Variants in STARD13 observed in about 807,000 individuals in gnomAD.
STARD13 encodes the protein StAR related lipid transfer domain containing 13.
Under a neutral mutation model 106.4 loss-of-function variants are expected in STARD13, and 62 were observed. That is an observed-to-expected ratio of 0.58 (90% CI 0.48 to 0.72). The LOEUF (loss-of-function observed/expected upper bound fraction) is 0.72, where lower values mean the gene tolerates loss of function less well. Among genes scored for constraint, STARD13 ranks in the 30% least tolerant of loss-of-function variants. The pLI is 0.00. For missense variants in STARD13, 1,387 were observed against 1,424.0 expected, an observed-to-expected ratio of 0.97 and a Z score of 0.42; for synonymous variants, 565 against 553.0, an observed-to-expected ratio of 1.02 and a Z score of -0.31.
chr13:33,343,587 A>AC lies in STARD13; in HGVS notation c.124+6702_124+6703insG, dbSNP rs1338884044. Reference sequence around the variant, plus strand: ...ATTGAGACCCTGTCTTAAAAAAAAAAAAAAAAAAAACAAATCTACAAATCT... The same window carrying AC: ...ATTGAGACCCTGTCTTAAAAAAAAAACAAAAAAAAAACAAATCTACAAATCT... On this transcript the variant is annotated intron_variant, in intron 1 of 5. Coordinates refer to the STARD13 transcript ENST00000567873. Among the ~76,000 whole-genome samples, 15 of 95,588 alleles carry AC rather than the reference A, an allele frequency of 1.6e-4. No homozygotes were observed. In the East Asian group the frequency reaches 2.4e-3, roughly 15 times the overall value. The allele number at this position is 95,588 out of a possible 152,430, so 62.7% of individuals were successfully genotyped here.
At chr13:33,565,597 A>C in the STARD13 span, among the ~76,000 whole-genome samples, 1 of 148,196 alleles carries the variant, frequency 6.7e-6, no homozygotes, top group Admixed American at 6.9e-5. Flanking sequence ...ACCTTTCCAT[A>C]CCATTTTGAT....
the STARD13 span, among the ~76,000 whole-genome samples, chr13:33,425,899 A>T: frequency 1.3e-5 from 2 of 152,230 alleles, no homozygotes; most frequent in African/African-American, 4.8e-5. Context: ...CATCCGAAGT[A>T]ACCTGCATTT....
At chr13:33,112,561 A>G (rs1874740022) in intron 9 of STARD13, among the ~76,000 whole-genome samples, 160 bp downstream of exon 9, 1 of 152,068 alleles carries the variant, frequency 6.6e-6, no homozygotes, top group Admixed American at 6.5e-5. Context: ...TCAATCTATC[A>G]TCTACCTATC....
In STARD13 at chr13:33,290,916, A is replaced by G. The variant is rs527908645; in HGVS notation, c.124+59374T>C. On this transcript the variant is annotated intron_variant, in intron 1 of 5. Transcript: ENST00000567873. ...ACCTATTGCCTCCAGAAACACTTTCATGACTAATACAAAGCTCTTTGGTCT... is the reference window on the plus strand; with the variant it reads ...ACCTATTGCCTCCAGAAACACTTTCGTGACTAATACAAAGCTCTTTGGTCT... Among the ~76,000 whole-genome samples the G allele has an allele frequency of 1.2e-3, 180 of 152,374 alleles. 2 individuals carry two copies. The highest frequency in any genetic ancestry group is 4.2e-3 in the African/African-American group (175 of 41,596).
chr13:33,334,130 A>G (rs1001987692), intron 1 of STARD13: 3 of 152,244 alleles, frequency 2.0e-5, no homozygotes, highest in Non-Finnish European at 4.4e-5. Context: ...AAGTCATATA[A>G]TCTATCAACA....
chr13:33,148,016 T>C (rs1469171637), intron 3 of STARD13, among the ~76,000 whole-genome samples: 1 of 152,044 alleles, frequency 6.6e-6, no homozygotes, highest in Non-Finnish European at 1.5e-5. Context: ...GATATTCAAA[T>C]GCAAAAAAAA....
intron 5 of STARD13, 50 bp from the exon 6 acceptor site, chr13:33,127,596 G>A (rs1414605271): frequency 1.3e-6 from 2 of 1,493,862 alleles, no homozygotes; most frequent in East Asian, 2.6e-5. Flanking sequence ...GGACTTGGTA[G>A]CGGGAAACAC....
At chr13:33,489,773 C>T in the STARD13 span, among the ~76,000 whole-genome samples, 1 of 152,206 alleles carries the variant, frequency 6.6e-6, no homozygotes, top group Non-Finnish European at 1.5e-5. Context: ...GGGCTAATCA[C>T]TTCAAGTTTT....
At chr13:33,358,953 A>T in the STARD13 span, among the ~76,000 whole-genome samples, 1 of 151,930 alleles carries the variant, frequency 6.6e-6, no homozygotes, top group South Asian at 2.1e-4. Flanking sequence ...TATCTAACTA[A>T]TCTGATGGGG....
the STARD13 span, among the ~76,000 whole-genome samples, chr13:33,368,646 A>G: frequency 2.0e-5 from 3 of 152,290 alleles, no homozygotes; most frequent in African/African-American, 7.2e-5. Flanking sequence ...AGATAGCAAC[A>G]TAGGAACAAA....
At chr13:33,284,881 G>A (rs1367838970) in intron 1 of STARD13, among the ~76,000 whole-genome samples, 4 of 152,052 alleles carry the variant, frequency 2.6e-5, no homozygotes, top group African/African-American at 4.8e-5. Context: ...TGCAGGTTAC[G>A]GGATTTGTTT....
chr13:33,660,245 G>A, the STARD13 span, among the ~76,000 whole-genome samples: 1 of 152,186 alleles, frequency 6.6e-6, no homozygotes, highest in Non-Finnish European at 1.5e-5. Context: ...GACAGTAAGT[G>A]AGATTCTGTT....
chr13:33,367,430 C>G, the STARD13 span, among the ~76,000 whole-genome samples: 2 of 152,006 alleles, frequency 1.3e-5, no homozygotes, highest in African/African-American at 4.8e-5. Context: ...GTGATATCTG[C>G]GATTCAGTTA....
intron 1 of STARD13, among the ~76,000 whole-genome samples, chr13:33,282,727 T>C (rs1594214929): frequency 1.3e-5 from 2 of 152,340 alleles, no homozygotes; most frequent in African/African-American, 4.8e-5. Flanking sequence ...ATTAATGGAA[T>C]GATTAAAAGC....
upstream of STARD13, chr13:33,355,463 C>T (rs1434726623): frequency 6.6e-6 from 1 of 152,298 alleles, no homozygotes; most frequent in Non-Finnish European, 1.5e-5. Flanking sequence ...GCCAAGAACC[C>T]ATAGTCATGG....
At chr13:33,553,021 G>A in the STARD13 span, among the ~76,000 whole-genome samples, 35,331 of 152,062 alleles carry the variant, frequency 0.23, 4,651 homozygotes, top group East Asian at 0.42. Flanking sequence ...GGATATAGGA[G>A]TAGAAGATTA....
At chr13:33,290,496 A>G (rs554551639), upstream of STARD13, among the ~76,000 whole-genome samples, 12 of 152,374 alleles carry the variant, frequency 7.9e-5, no homozygotes, top group African/African-American at 2.9e-4. Flanking sequence ...AGCTGGTGAC[A>G]CTAACACTGG....
At chr13:33,656,001 A>G in the STARD13 span, among the ~76,000 whole-genome samples, 5 of 152,194 alleles carry the variant, frequency 3.3e-5, no homozygotes, top group East Asian at 1.9e-4. Context: ...CACACCAGCC[A>G]TGAGCCTTTG....
At chr13:33,194,817 T>G (rs1227789284) in intron 1 of STARD13, among the ~76,000 whole-genome samples, 5 of 152,224 alleles carry the variant, frequency 3.3e-5, no homozygotes, top group African/African-American at 1.2e-4. Flanking sequence ...TTATATATGC[T>G]GTTAGTCATT....
Sources: allele counts gnomAD v4.1 joint callset (sites outside exome capture counted in the v4.1 genomes callset), GRCh38; gene constraint gnomAD v4.1.1; transcripts MANE v1.5; gene names NCBI Gene and HGNC (gene_info 2026-07-23, HGNC 2026-07-21).